Variants in DOCK4 observed in about 807,000 individuals in gnomAD.
DOCK4 encodes dedicator of cytokinesis 4.
A neutral mutation model predicts 268.1 loss-of-function variants in DOCK4; 97 were observed. That is an observed-to-expected ratio of 0.36 (90% confidence interval 0.31 to 0.43). The LOEUF is 0.43. Among genes scored for constraint, DOCK4 ranks in the 20% least tolerant of loss-of-function variants. DOCK4 has a pLI of 1.00. For synonymous variants in DOCK4, 954 were observed against 887.2 expected (o/e 1.08, Z -1.34); for missense variants, 2,145 against 2,455.7 (o/e 0.87, Z 2.67).
chr7:111,790,382 T>A (rs964508262), intron 31 of DOCK4, 75 bp downstream of exon 31: 12 of 1,545,712 alleles, frequency 7.8e-6, no homozygotes, highest in Non-Finnish European at 1.1e-5. Context: ...CAAGTTGGAG[T>A]TGAATCCAGA....
At chr7:111,732,444 GC>G in intron 51 of DOCK4, 157 bp from the exon 52 acceptor site, 1 of 685,628 alleles carries the variant, frequency 1.5e-6, no homozygotes, top group South Asian at 1.8e-5. Context: ...GCTAAATGAT[GC>G]CTGTCTAGAA....
At chr7:112,193,598 T>TAAAAAAAAAAAAAAAA (rs564039337) in intron 1 of DOCK4, among the ~76,000 whole-genome samples, 2 of 132,192 alleles carry the variant, frequency 1.5e-5, no homozygotes, top group African/African-American at 5.7e-5. Context: ...GACCATGCCT[T>TAAAAAAAAAAAAAAAA]AAAAAAAAAA....
intron 8 of DOCK4, among the ~76,000 whole-genome samples, chr7:111,961,735 T>A (rs117658976): frequency 0.016 from 2,479 of 152,324 alleles, 38 homozygotes; most frequent in Middle Eastern, 0.034. Context: ...TAAGAAAACA[T>A]TCCTCTTAAG....
chr7:111,776,571 A>G (rs1798454137), intron 36 of DOCK4, among the ~76,000 whole-genome samples: 1 of 152,220 alleles, frequency 6.6e-6, no homozygotes, highest in Non-Finnish European at 1.5e-5. Context: ...CCCAACATTC[A>G]TGCCATTACA....
At chr7:111,851,978 T>C (rs956095925) in intron 23 of DOCK4, among the ~76,000 whole-genome samples, 5 of 149,144 alleles carry the variant, frequency 3.4e-5, no homozygotes, top group African/African-American at 9.9e-5. Flanking sequence ...TTTTTTTTTT[T>C]CTTGAGACAG....
intron 27 of DOCK4, among the ~76,000 whole-genome samples, chr7:111,817,040 G>GA (rs1024654435): frequency 6.6e-6 from 1 of 152,182 alleles, no homozygotes; most frequent in African/African-American, 2.4e-5. Context: ...AGTACTGGTG[G>GA]AAAATCACTC....
chr7:112,167,626 A>C (rs1249987992), intron 1 of DOCK4, among the ~76,000 whole-genome samples: 1 of 152,216 alleles, frequency 6.6e-6, no homozygotes, highest in African/African-American at 2.4e-5. Context: ...ATTGATCATC[A>C]AAACTGCCCA....
In DOCK4 at chr7:111,901,665, G is replaced by A. The variant is rs1791157978; in HGVS notation, c.1317+12C>T. On this transcript the variant is annotated intron_variant, in intron 14 of 52. Transcript: ENST00000428084. ...GACTTGTTTGACCTGGAAATATCAA[G>A]TATTAACATACCTTCAGGGTTTGGC... is the stretch of plus-strand genomic sequence containing the variant. The A allele has an allele frequency of 6.2e-7, 1 of 1,612,716 alleles. No homozygotes were observed. Among genetic ancestry groups the A allele is most frequent in the Non-Finnish European group, 8.5e-7 (1 of 1,179,442 alleles).
In DOCK4 at chr7:111,900,384, C is replaced by T. The variant is rs775852414; in HGVS notation, c.1470G>A (p.Arg490=). The T allele has an allele frequency of 6.2e-7, 1 of 1,612,844 alleles. No individual in the cohort carries two copies. The highest frequency in any genetic ancestry group is 8.5e-7 in the Non-Finnish European group (1 of 1,179,478). ...CCACCAAACACTTACTGGAACAATG[C>T]CGAAACTCGAAGCGGATGTGTGCAC... ...FRGAHIRFEF[R]HCSTKEKGEK... The change falls in exon 15 of 53, where the codon CGG becomes CGA. Residue 490 remains arginine (R), a synonymous_variant. Coordinates refer to ENST00000428084, the MANE Select transcript of DOCK4 (RefSeq NM_001363540.2).
intron 8 of DOCK4, among the ~76,000 whole-genome samples, chr7:111,954,296 T>C (rs145624042): frequency 2.0e-4 from 31 of 152,310 alleles, no homozygotes; most frequent in African/African-American, 7.2e-4. Context: ...GTGCTACCTC[T>C]GTCCAGGCAA....
chr7:111,732,267 T>G lies in DOCK4; in HGVS notation c.5440A>C (p.Thr1814Pro). ...CCGGCAGGCGAGGGGGATACTGATG[T>G]CGTGTGTCTTGCTGGTGAAGCTGTC... ...TQTASPARHT[T>P]SVSPSPAGRS... The change falls in exon 52 of 53, where the codon ACA becomes CCA. Residue 1814 changes from threonine to proline, a missense_variant. Thr to Pro is a conservative substitution (Grantham distance 38). This residue lies in a region of DOCK4 where 547 missense variants were observed against 469.0 expected (regional missense o/e 1.17). Coordinates refer to ENST00000428084, the MANE Select transcript of DOCK4 (RefSeq NM_001363540.2). 6.2e-7 allele frequency: 1 copy of G among 1,613,992 alleles called. No homozygotes were observed. Among genetic ancestry groups the G allele is most frequent in the African/African-American group, 1.3e-5 (1 of 75,042 alleles).
In DOCK4 at chr7:112,053,123, G is replaced by A. The variant is rs116069978; in HGVS notation, c.38-48992C>T. On this transcript the variant is annotated intron_variant, in intron 1 of 52. Coordinates refer to ENST00000428084, the MANE Select transcript of DOCK4 (RefSeq NM_001363540.2). ...ATTGAAAACCTGGAGCTAAAAAAGC[G>A]CTAATTCTTACTGTCCAGCCATCAT... 2.6e-3 allele frequency among the ~76,000 whole-genome samples: 397 copies of A among 152,212 alleles called. 2 individuals are homozygous for A. Among genetic ancestry groups the A allele is most frequent in the African/African-American group, 8.9e-3 (371 of 41,510 alleles).
chr7:111,971,751 A>AG (rs1269509569), intron 8 of DOCK4: 1 of 300,302 alleles, frequency 3.3e-6, no homozygotes, highest in Non-Finnish European at 6.2e-6. Flanking sequence ...TGGTGGTCCA[A>AG]GGCCTGAATG....
At chr7:111,885,794 T>C (rs1040922973) in intron 16 of DOCK4, among the ~76,000 whole-genome samples, 3 of 152,176 alleles carry the variant, frequency 2.0e-5, no homozygotes, top group African/African-American at 7.2e-5. Flanking sequence ...TGAAATCAGA[T>C]CTGGCCAGAG....
chr7:111,980,987 G>A (rs534175440), intron 7 of DOCK4, among the ~76,000 whole-genome samples: 9 of 152,294 alleles, frequency 5.9e-5, no homozygotes, highest in African/African-American at 1.4e-4. Flanking sequence ...AACACTGTGC[G>A]GTTTAGCACT....
chr7:111,889,578 G>A (rs1808126243), intron 16 of DOCK4, among the ~76,000 whole-genome samples: 1 of 152,138 alleles, frequency 6.6e-6, no homozygotes, highest in Non-Finnish European at 1.5e-5. Context: ...CATCTCAAAG[G>A]TAGTGGCCAG....
chr7:111,927,758 G>A (rs2134642277), intron 12 of DOCK4, among the ~76,000 whole-genome samples: 1 of 152,116 alleles, frequency 6.6e-6, no homozygotes, highest in East Asian at 1.9e-4. Context: ...GCATAGTGAT[G>A]GGGTTCAGGA....
intron 12 of DOCK4, among the ~76,000 whole-genome samples, chr7:111,929,141 T>C (rs1793982720): frequency 6.6e-6 from 1 of 152,184 alleles, no homozygotes; most frequent in Non-Finnish European, 1.5e-5. Context: ...TATGTACATA[T>C]GTGTGTATAC....
intron 1 of DOCK4, among the ~76,000 whole-genome samples, chr7:112,116,608 G>A (rs750822201): frequency 2.0e-5 from 3 of 152,160 alleles, no homozygotes; most frequent in Admixed American, 6.5e-5. Flanking sequence ...CAGAAAGAGT[G>A]AGCTCTGGCC....
Sources: gnomAD v4.1 joint callset for allele counts (sites outside exome capture counted in the v4.1 genomes callset) on GRCh38, gnomAD v4.1.1 for gene constraint, gnomAD v4.1.1 regional missense constraint, MANE v1.5 for transcripts, NCBI Gene and HGNC (gene_info 2026-07-23, HGNC 2026-07-21) for gene names.